The following VAMP7 variants were observed in gnomAD, a reference collection of about 807,000 sequenced individuals.
VAMP7 encodes the protein vesicle-associated membrane protein 7.
VAMP7 carries 14 observed loss-of-function variants against 29.6 expected under a neutral mutation model. The observed-to-expected ratio is 0.47, with a 90% CI of 0.31 to 0.74. The LOEUF is 0.74. VAMP7 is among the 30% of genes least tolerant of loss of function. The pLI, the probability that VAMP7 is intolerant of heterozygous loss-of-function variation, is 0.05. For missense variants in VAMP7, 223 were observed against 262.4 expected, an observed-to-expected ratio of 0.85 and a Z score of 1.04; for synonymous variants, 95 against 88.1, an observed-to-expected ratio of 1.08 and a Z score of -0.44.
chrX:155,914,589 C>T (rs1474381003), intron 5 of VAMP7, among the ~76,000 whole-genome samples: 4 of 152,076 alleles, frequency 2.6e-5, no homozygotes, highest in Non-Finnish European at 5.9e-5. Context: ...TGAATTTTAT[C>T]GAAGGCCTTT....
Position 155,909,475 on chromosome X carries a change from A to T in VAMP7, c.433+8888A>T, listed in dbSNP as rs1398124681. 5.3e-5 allele frequency among the ~76,000 whole-genome samples: 8 copies of T among 151,994 alleles called. No individual in the cohort carries two copies. The South Asian group carries it at 1.7e-3, about 32-fold the overall frequency. On this transcript the variant is annotated intron_variant, in intron 5 of 7. Transcript: ENST00000286448. ...TCTATAGTTTTTCTGTTCTCTATTT[A>T]ATTTGTTCACCCTAATATTTATTTC...
At chrX:155,886,301 A>G (rs1257535908) in intron 1 of VAMP7, among the ~76,000 whole-genome samples, 2 of 152,170 alleles carry the variant, frequency 1.3e-5, no homozygotes, top group Non-Finnish European at 2.9e-5. Context: ...GACACTTACA[A>G]TGGGGGCAGG....
chrX:155,940,398 G>T (rs1293935235), intron 7 of VAMP7, among the ~76,000 whole-genome samples: 1 of 152,104 alleles, frequency 6.6e-6, no homozygotes, highest in African/African-American at 2.4e-5. Context: ...AGGGTCCTCT[G>T]CCTTAGACAG....
intron 2 of VAMP7, among the ~76,000 whole-genome samples, chrX:155,890,173 G>A (rs762455739): frequency 6.6e-6 from 1 of 152,060 alleles, no homozygotes; most frequent in East Asian, 2.0e-4. Flanking sequence ...CATATTTAGG[G>A]AACTGCAGAC....
At chrX:155,908,360 C>T (rs2066181408) in intron 5 of VAMP7, among the ~76,000 whole-genome samples, 1 of 152,194 alleles carries the variant, frequency 6.6e-6, no homozygotes, top group Non-Finnish European at 1.5e-5. Flanking sequence ...AGCTGGAGAC[C>T]AGCCCGGCCA....
At chrX:155,907,496 A>G (rs2066163616) in intron 5 of VAMP7, among the ~76,000 whole-genome samples, 1 of 135,506 alleles carries the variant, frequency 7.4e-6, no homozygotes, top group Non-Finnish European at 1.6e-5. Context: ...TGCTGCCTTC[A>G]AGCATCTGTT....
At chrX:155,899,415 T>C (rs186914972) in intron 4 of VAMP7, among the ~76,000 whole-genome samples, 1,645 of 152,132 alleles carry the variant, frequency 0.011, 25 homozygotes, top group African/African-American at 0.038. Flanking sequence ...ATGAAACTAT[T>C]TGAGTATAAA....
chrX:155,885,202 T>A (rs2065851042), intron 1 of VAMP7, among the ~76,000 whole-genome samples: 1 of 152,196 alleles, frequency 6.6e-6, no homozygotes, highest in Non-Finnish European at 1.5e-5. Flanking sequence ...AAATATCCTT[T>A]CTTTAGTCCC....
In VAMP7 at chrX:155,942,983, A is replaced by C. The variant is rs1477126823; in HGVS notation, c.*1032A>C. 3 of 151,844 alleles carry C rather than the reference A, an allele frequency of 2.0e-5. No individual in the cohort carries two copies. The highest frequency in any genetic ancestry group is 4.4e-5 in the Non-Finnish European group (3 of 67,980). 9.4% of individuals were successfully genotyped at this position (151,844 alleles called of 1,614,324 possible). A position where few individuals can be genotyped will look rare whatever the true frequency, so the allele number is the denominator to read the frequency against. ...ATTCTTTGTGGTTAAATAAATTCTT[A>C]AATCTGCCTAGTTTTGATGAATTCT... On this transcript the variant is annotated 3_prime_UTR_variant, in exon 8 of 8. Transcript: ENST00000286448.
chrX:155,884,339 C>T (rs1336696367), intron 1 of VAMP7, among the ~76,000 whole-genome samples: 1 of 152,008 alleles, frequency 6.6e-6, no homozygotes, highest in African/African-American at 2.4e-5. Flanking sequence ...GTTGGTCAGG[C>T]TGGTCTCGAA....
chrX:155,942,354 A>C lies in VAMP7; in HGVS notation c.*403A>C. On this transcript the variant is annotated 3_prime_UTR_variant, in exon 8 of 8. Transcript: ENST00000286448. ...CAAGAGACAGTATTGCTAACATCTC[A>C]TCTTAATGTCTTTTGTTATTGAGAA... is the stretch of plus-strand genomic sequence containing the variant. 1 of 579,854 alleles carries C rather than the reference A, an allele frequency of 1.7e-6. No homozygotes were observed. The allele number at this position is 579,854 out of a possible 1,614,324, so 35.9% of individuals were successfully genotyped here. A position where few individuals can be genotyped will look rare whatever the true frequency, so the allele number is the denominator to read the frequency against.
intron 6 of VAMP7, among the ~76,000 whole-genome samples, chrX:155,933,468 T>A (rs1405546778): frequency 6.6e-6 from 1 of 152,228 alleles, no homozygotes; most frequent in Non-Finnish European, 1.5e-5. Context: ...CCATTTCTTC[T>A]AGATTTTCTA....
intron 2 of VAMP7, among the ~76,000 whole-genome samples, chrX:155,894,055 A>G (rs1360530575): frequency 1.3e-5 from 2 of 152,174 alleles, no homozygotes; most frequent in African/African-American, 2.4e-5. Context: ...ATATAATTCA[A>G]CAGGTACCCC....
intron 6 of VAMP7, among the ~76,000 whole-genome samples, chrX:155,924,343 T>C (rs2066439240): frequency 6.6e-6 from 1 of 152,188 alleles, no homozygotes; most frequent in African/African-American, 2.4e-5. Context: ...AATTCAGTGA[T>C]GTTAATTACA....
chrX:155,903,264 C>T (rs1330216288), intron 5 of VAMP7, among the ~76,000 whole-genome samples: 1 of 152,016 alleles, frequency 6.6e-6, no homozygotes, highest in African/African-American at 2.4e-5. Flanking sequence ...AGAAGAAAAC[C>T]TAGGCATTAC....
Position 155,918,891 on chromosome X carries a change from T to G in VAMP7, c.434-922T>G, listed in dbSNP as rs946102323. ...ATGGAATGTTTCATGTTTATTGATT[T>G]GCATGCATTGAATCATCATTGCATC... is the stretch of plus-strand genomic sequence containing the variant. On this transcript the variant is annotated intron_variant, in intron 5 of 7. Coordinates refer to ENST00000286448, the MANE Select transcript of VAMP7 (RefSeq NM_005638.6). 2.6e-5 allele frequency among the ~76,000 whole-genome samples: 4 copies of G among 152,360 alleles called. No individual in the cohort carries two copies. The East Asian group carries it at 7.7e-4, about 29-fold the overall frequency.
chrX:155,889,708 A>G lies in VAMP7; in HGVS notation c.146+96A>G, dbSNP rs750588164. The G allele has an allele frequency of 9.3e-5, 125 of 1,345,048 alleles. 1 individual carries two copies. In the South Asian group the frequency reaches 2.4e-3, roughly 26 times the overall value. 83.3% of individuals were successfully genotyped at this position (1,345,048 alleles called of 1,614,324 possible). On this transcript the variant is annotated intron_variant, in intron 2 of 7. Transcript: ENST00000286448. ...AAGTAGAAAACAAGCTTCTAGGTAC[A>G]TAATTTGAATAAGCTGACAGAATAG...
At chrX:155,893,394 C>T (rs1027261372) in intron 2 of VAMP7, among the ~76,000 whole-genome samples, 5 of 151,964 alleles carry the variant, frequency 3.3e-5, no homozygotes, top group Non-Finnish European at 7.4e-5. Flanking sequence ...ATGCTGCCCT[C>T]CAGGGAGTAA....
rs181698599 is a variant in VAMP7, at chrX:155,930,319, C to T, written c.502-9382C>T. ...TTCCCCACCCTAAATCACATTGTTA[C>T]TATCTAGATTACAGTCTATTAGAAA... is the stretch of plus-strand genomic sequence containing the variant. On this transcript the variant is annotated intron_variant, in intron 6 of 7. Coordinates refer to ENST00000286448, the MANE Select transcript of VAMP7 (RefSeq NM_005638.6). 7.5e-3 allele frequency among the ~76,000 whole-genome samples: 1,138 copies of T among 152,176 alleles called. 15 individuals carry two copies. Among genetic ancestry groups the T allele is most frequent in the African/African-American group, 0.026 (1,082 of 41,512 alleles).
Sources: allele counts gnomAD v4.1 joint callset (sites outside exome capture counted in the v4.1 genomes callset), GRCh38; gene constraint gnomAD v4.1.1; transcripts MANE v1.5; gene names NCBI Gene and HGNC (gene_info 2026-07-23, HGNC 2026-07-21).